Variants in KIAA0586 observed in about 807,000 individuals in gnomAD.
The protein encoded by KIAA0586 is protein TALPID3.
A neutral mutation model predicts 169.8 loss-of-function variants in KIAA0586; 144 were observed. The observed-to-expected ratio is 0.85, with a 90% CI of 0.74 to 0.97. The LOEUF is 0.97. Among genes scored for constraint, KIAA0586 ranks in the 50% least tolerant of loss-of-function variants. The pLI is 0.00. For synonymous variants in KIAA0586, 625 were observed against 612.4 expected (o/e 1.02, Z -0.30); for missense variants, 1,854 against 1,823.0 (o/e 1.02, Z -0.31).
At chr14:58,468,827 T>G (rs1377772411) in intron 16 of KIAA0586, among the ~76,000 whole-genome samples, 1 of 152,222 alleles carries the variant, frequency 6.6e-6, no homozygotes, top group African/African-American at 2.4e-5. Context: ...CCTTGCTTAC[T>G]TACAAATAAT....
At chr14:58,544,100 A>C (rs2046835161) in intron 30 of KIAA0586, 2 of 294,778 alleles carry the variant, frequency 6.8e-6, no homozygotes, top group Non-Finnish European at 1.3e-5. Flanking sequence ...GTTCCCACTT[A>C]TAAGTGAGAA....
intron 8 of KIAA0586, among the ~76,000 whole-genome samples, chr14:58,451,385 C>G (rs2039376126): frequency 2.0e-5 from 3 of 151,868 alleles, no homozygotes; most frequent in Admixed American, 6.6e-5. Context: ...CGCCACCACA[C>G]CAGGCTAATT....
In KIAA0586 at chr14:58,450,879, C is replaced by G. The variant is rs1035407325; in HGVS notation, c.1129+133C>G. The G allele has an allele frequency of 1.5e-4, 88 of 573,732 alleles. No individual in the cohort carries two copies. The African/African-American group carries it at 1.6e-3, about 10-fold the overall frequency. The allele number at this position is 573,732 out of a possible 1,614,324, so 35.5% of individuals were successfully genotyped here. A position where few individuals can be genotyped will look rare whatever the true frequency, so the allele number is the denominator to read the frequency against. On this transcript the variant is annotated intron_variant, in intron 8 of 30. Transcript: ENST00000652326. ...AATGACCCTTGCTGGGAAAATCAAG[C>G]TTCTTTAGATTCTTTGTAAAAGGGT...
At chr14:58,461,182 G>A in intron 14 of KIAA0586, 22 bp downstream of exon 14, 1 of 1,484,314 alleles carries the variant, frequency 6.7e-7, no homozygotes, top group Non-Finnish European at 9.0e-7. Context: ...CATTTTTAAT[G>A]TTTAATCTCA....
chr14:58,469,222 T>C (rs1436858711), intron 16 of KIAA0586, among the ~76,000 whole-genome samples: 1 of 152,158 alleles, frequency 6.6e-6, no homozygotes, highest in African/African-American at 2.4e-5. Flanking sequence ...TGATAGTGTG[T>C]TTTCACAGCC....
chr14:58,538,544 G>A lies in KIAA0586; in HGVS notation c.4430-1527G>A, dbSNP rs539938141. On this transcript the variant is annotated intron_variant, in intron 29 of 30. Transcript: ENST00000652326. ...GTGTAATAATCACATCAGGGTAAAT[G>A]GAGTATGCATCTCCTTTGTGTTACA... is the stretch of plus-strand genomic sequence containing the variant. 3.9e-5 allele frequency among the ~76,000 whole-genome samples: 6 copies of A among 152,070 alleles called. No individual in the cohort carries two copies. In the East Asian group the frequency reaches 1.2e-3, roughly 29 times the overall value.
At chr14:58,501,338 T>A (rs933175798) in intron 27 of KIAA0586, among the ~76,000 whole-genome samples, 1 of 152,222 alleles carries the variant, frequency 6.6e-6, no homozygotes. Context: ...ATTTGTAGGA[T>A]TCAAATGGCA....
chr14:58,432,961 C>T lies in KIAA0586; in HGVS notation c.410+504C>T, dbSNP rs555699512. Among the ~76,000 whole-genome samples the T allele has an allele frequency of 1.2e-4, 18 of 152,330 alleles. 1 individual carries two copies. Among genetic ancestry groups the T allele is most frequent in the African/African-American group, 4.1e-4 (17 of 41,582 alleles). On this transcript the variant is annotated intron_variant, in intron 4 of 30. Transcript: ENST00000652326. Reference sequence around the variant, plus strand: ...GAACTCCTGGCCTCAGGTGATCTACCTGCTTCGGCCCTGCAAAGTGCTGGG... The same window carrying T: ...GAACTCCTGGCCTCAGGTGATCTACTTGCTTCGGCCCTGCAAAGTGCTGGG...
intron 27 of KIAA0586, 113 bp downstream of exon 27, chr14:58,499,073 A>T: frequency 1.1e-6 from 1 of 892,504 alleles, no homozygotes; most frequent in Non-Finnish European, 1.6e-6. Flanking sequence ...ATTAAAAGGG[A>T]TTTTAATAAT....
intron 30 of KIAA0586, chr14:58,544,109 A>T (rs2046835652): frequency 3.5e-6 from 1 of 284,194 alleles, no homozygotes; most frequent in Admixed American, 4.7e-5. Flanking sequence ...TATAAGTGAG[A>T]ACATGCAGTA....
intron 25 of KIAA0586, among the ~76,000 whole-genome samples, chr14:58,490,469 T>A (rs556405105): frequency 6.6e-6 from 1 of 152,196 alleles, no homozygotes; most frequent in African/African-American, 2.4e-5. Context: ...TAAAAAAATA[T>A]ACATTTAATG....
At chr14:58,436,036 C>T (rs937452811) in intron 4 of KIAA0586, among the ~76,000 whole-genome samples, 3 of 152,018 alleles carry the variant, frequency 2.0e-5, no homozygotes, top group Non-Finnish European at 4.4e-5. Context: ...ACATGAAGGA[C>T]AATGTTTATT....
chr14:58,508,615 T>C lies in KIAA0586; in HGVS notation c.4229T>C (p.Leu1410Ser), dbSNP rs1290079561. 1 of 1,598,090 alleles carries C rather than the reference T, an allele frequency of 6.3e-7. No individual in the cohort carries two copies. The highest frequency in any genetic ancestry group is 1.7e-5 in the Admixed American group (1 of 57,882). The change falls in exon 28 of 31, where the codon TTG becomes TCG. Residue 1410 changes from leucine to serine, a missense_variant. By Grantham distance (145) the Leu-to-Ser change is moderately radical (BLOSUM62 -2). Coordinates refer to ENST00000652326, the MANE Select transcript of KIAA0586 (RefSeq NM_001329943.3). ...CCAATGAGTTTGGGAGAATTGGAGT[T>C]GGAGCCAAATTCTAAGCTGGTTCTT... The part of the protein sequence containing the change: ...HGPMSLGELE[L>S]EPNSKLVLPT...
At chr14:58,501,582 C>T (rs926936115) in intron 27 of KIAA0586, among the ~76,000 whole-genome samples, 1 of 141,420 alleles carries the variant, frequency 7.1e-6, no homozygotes, top group South Asian at 2.4e-4. Context: ...TAGTACAGTG[C>T]ATTTTTAATC....
chr14:58,442,452 G>C (rs2038478447), intron 4 of KIAA0586, among the ~76,000 whole-genome samples: 1 of 152,074 alleles, frequency 6.6e-6, no homozygotes, highest in African/African-American at 2.4e-5. Flanking sequence ...TTATAATTGT[G>C]CTATGCCTTT....
intron 30 of KIAA0586, among the ~76,000 whole-genome samples, chr14:58,541,679 A>C (rs547336173): frequency 3.9e-5 from 6 of 152,368 alleles, no homozygotes; most frequent in Admixed American, 3.9e-4. Context: ...ATCCAAAAAC[A>C]GAAAACATAA....
At chr14:58,440,122 G>T (rs1415914766) in intron 4 of KIAA0586, 7 of 408,162 alleles carry the variant, frequency 1.7e-5, no homozygotes, top group Non-Finnish European at 2.4e-5. Flanking sequence ...GGCTCAAGCA[G>T]TCTTCCTGCC....
intron 29 of KIAA0586, among the ~76,000 whole-genome samples, chr14:58,535,945 T>C (rs1305381914): frequency 6.6e-6 from 1 of 152,138 alleles, no homozygotes; most frequent in Non-Finnish European, 1.5e-5. Flanking sequence ...AAAGAATTTG[T>C]TTAAAATAAT....
chr14:58,488,854 G>T lies in KIAA0586; in HGVS notation c.3761G>T (p.Gly1254Val). 2 of 1,613,658 alleles carry T rather than the reference G, an allele frequency of 1.2e-6. No homozygotes were observed. Among genetic ancestry groups the T allele is most frequent in the Non-Finnish European group, 1.7e-6 (2 of 1,179,760 alleles). The change falls in exon 24 of 31, where the codon GGT (glycine) becomes GTT (valine). Residue 1254 changes from glycine to valine, a missense_variant. Physicochemically the swap from Gly to Val is moderately radical, Grantham distance 109. Transcript: ENST00000652326. ...GAAGGAGAGATTTTATTTAGCTGTGGTCAAAAATTGGCCCCCAAGAGTAAG... is the reference window on the plus strand; with the variant it reads ...GAAGGAGAGATTTTATTTAGCTGTGTTCAAAAATTGGCCCCCAAGAGTAAG... ...ISEGEILFSC[G>V]QKLAPKILED... is the part of the protein sequence containing the mutation.
Sources: allele counts gnomAD v4.1 joint callset (sites outside exome capture counted in the v4.1 genomes callset), GRCh38; gene constraint gnomAD v4.1.1; transcripts MANE v1.5; gene names NCBI Gene and HGNC (gene_info 2026-07-23, HGNC 2026-07-21).